The following MTA3 variants were observed in gnomAD, a reference collection of about 807,000 sequenced individuals.
MTA3 encodes metastasis-associated protein MTA3.
Under a neutral mutation model 83.5 loss-of-function variants are expected in MTA3, and 34 were observed. The observed-to-expected ratio is 0.41, with a 90% confidence interval of 0.31 to 0.54. MTA3 has a LOEUF of 0.54. MTA3 is among the 20% of genes least tolerant of loss of function. The probability of loss-of-function intolerance (pLI) is 0.33; values close to 1 mark genes in which losing one functional copy is unlikely to be tolerated. For missense variants in MTA3, 761 were observed against 726.4 expected, an observed-to-expected ratio of 1.05 and a Z score of -0.55; for synonymous variants, 303 against 252.7, an observed-to-expected ratio of 1.20 and a Z score of -1.89.
chr2:42,659,640 A>G (rs772866784), intron 7 of MTA3, 123 bp from the exon 8 acceptor site: 3 of 560,244 alleles, frequency 5.4e-6, no homozygotes, highest in East Asian at 4.0e-5. Flanking sequence ...TCATTCAGAA[A>G]CTTGTTTTTG....
chr2:42,614,985 A>AC (rs1684679510), intron 4 of MTA3, among the ~76,000 whole-genome samples: 2 of 150,680 alleles, frequency 1.3e-5, no homozygotes, highest in Non-Finnish European at 3.0e-5. Flanking sequence ...TTAAAAAAAA[A>AC]AAAAACAAAA....
Position 42,755,985 on chromosome 2 carries a change from T to C in MTA3, c.*2586T>C. On this transcript the variant is annotated 3_prime_UTR_variant, in exon 17 of 17. Transcript: ENST00000405094. ...TCAGCCTGCCCTTCACAATTCCCCT[T>C]GTGCACAGCCCAGTTTCCATCTCTC... 1 of 985,496 alleles carries C rather than the reference T, an allele frequency of 1.0e-6. No individual in the cohort carries two copies. The highest frequency in any genetic ancestry group is 4.7e-5 in the South Asian group (1 of 21,292). The allele number at this position is 985,496 out of a possible 1,614,324, so 61.0% of individuals were successfully genotyped here.
At chr2:42,645,394 G>A (rs1688086121) in intron 6 of MTA3, among the ~76,000 whole-genome samples, 1 of 152,034 alleles carries the variant, frequency 6.6e-6, no homozygotes, top group Admixed American at 6.6e-5. Flanking sequence ...GTGTGATGGT[G>A]TGTGCCTGTA....
chr2:42,694,265 C>G (rs1031825091), intron 9 of MTA3, among the ~76,000 whole-genome samples: 1 of 152,104 alleles, frequency 6.6e-6, no homozygotes, highest in Admixed American at 6.5e-5. Flanking sequence ...CCCTGGGTGT[C>G]TCCCTAGGTC....
At chr2:42,657,824 C>T (rs1177219247) in intron 7 of MTA3, among the ~76,000 whole-genome samples, 1 of 149,466 alleles carries the variant, frequency 6.7e-6, no homozygotes, top group East Asian at 2.0e-4. Flanking sequence ...AATCCCAGTG[C>T]TTTGGGAGGC....
At chr2:42,709,259 A>G in intron 14 of MTA3, 163 bp downstream of exon 14, 4 of 1,414,668 alleles carry the variant, frequency 2.8e-6, no homozygotes, top group Admixed American at 3.2e-5. Context: ...GTGTGCTGCC[A>G]TTTGTATCAT....
At chr2:42,688,155 C>G (rs977415432) in intron 9 of MTA3, among the ~76,000 whole-genome samples, 5 of 152,212 alleles carry the variant, frequency 3.3e-5, no homozygotes, top group Non-Finnish European at 7.3e-5. Context: ...ACTGCAGCCT[C>G]AAACTCCTGG....
At chr2:42,605,745 G>A (rs1346503328) in intron 3 of MTA3, among the ~76,000 whole-genome samples, 1 of 122,046 alleles carries the variant, frequency 8.2e-6, no homozygotes, top group African/African-American at 3.2e-5. Flanking sequence ...TGGATGGGGC[G>A]GCTGGCCGGG....
At chr2:42,670,731 A>G (rs1362095985) in intron 8 of MTA3, among the ~76,000 whole-genome samples, 2 of 138,086 alleles carry the variant, frequency 1.4e-5, no homozygotes, top group Middle Eastern at 3.8e-3. Context: ...ATGGCCTTCC[A>G]TAAACTCTAA....
intron 4 of MTA3, among the ~76,000 whole-genome samples, chr2:42,637,006 G>C (rs1277336409): frequency 1.3e-5 from 2 of 152,170 alleles, no homozygotes; most frequent in African/African-American, 2.4e-5. Context: ...ACGTTTTTCA[G>C]TCTGTAGGAT....
chr2:42,516,101 G>A (rs1255249357), intron 2 of MTA3, among the ~76,000 whole-genome samples: 3 of 151,852 alleles, frequency 2.0e-5, no homozygotes, highest in African/African-American at 7.3e-5. Context: ...ATTTTTAGTA[G>A]AGACAGGGTT....
intron 2 of MTA3, among the ~76,000 whole-genome samples, chr2:42,519,567 C>G (rs1019459803): frequency 6.6e-6 from 1 of 151,270 alleles, no homozygotes; most frequent in African/African-American, 2.4e-5. Flanking sequence ...GATGGCACCA[C>G]TGCACTCCAG....
chr2:42,729,498 G>A (rs1236076485), intron 16 of MTA3, among the ~76,000 whole-genome samples: 1 of 152,088 alleles, frequency 6.6e-6, no homozygotes, highest in Admixed American at 6.5e-5. Context: ...TCTGCATATG[G>A]CTATCCAGTT....
chr2:42,684,719 A>G (rs2104443508), intron 9 of MTA3, among the ~76,000 whole-genome samples: 1 of 152,338 alleles, frequency 6.6e-6, no homozygotes, highest in Non-Finnish European at 1.5e-5. Flanking sequence ...AGAAACACTA[A>G]AGTGAAAATA....
intron 4 of MTA3, among the ~76,000 whole-genome samples, chr2:42,626,551 C>A (rs1183875743): frequency 1.3e-5 from 2 of 151,826 alleles, no homozygotes; most frequent in African/African-American, 4.8e-5. Context: ...CTGCCTCGGC[C>A]CCCCAAAGTG....
chr2:42,543,066 C>A (rs1391001443), intron 2 of MTA3, among the ~76,000 whole-genome samples: 2 of 151,908 alleles, frequency 1.3e-5, no homozygotes, highest in Admixed American at 6.6e-5. Flanking sequence ...ATTCTTAGGA[C>A]AGGGAGATGA....
chr2:42,703,002 T>G (rs565079830), intron 11 of MTA3: 1 of 152,450 alleles, frequency 6.6e-6, no homozygotes, highest in Non-Finnish European at 1.5e-5. Flanking sequence ...TTGCCCAGGC[T>G]GGAGTGGAGT....
At chr2:42,636,626 CTTT>C (rs869057645) in intron 4 of MTA3, among the ~76,000 whole-genome samples, 5 of 130,058 alleles carry the variant, frequency 3.8e-5, no homozygotes, top group Admixed American at 7.8e-5. Context: ...CTCTTTCTTT[CTTT>C]TTTTTTTTTT....
intron 9 of MTA3, among the ~76,000 whole-genome samples, chr2:42,688,756 C>G (rs1692621466): frequency 1.3e-5 from 2 of 151,656 alleles, no homozygotes. Context: ...GTCATGCTGT[C>G]TGCACATAAA....
Sources: allele counts gnomAD v4.1 joint callset (sites outside exome capture counted in the v4.1 genomes callset), GRCh38; gene constraint gnomAD v4.1.1; transcripts MANE v1.5; gene names NCBI Gene and HGNC (gene_info 2026-07-23, HGNC 2026-07-21).